Variants in DPF2 observed in about 807,000 individuals in gnomAD.
The protein encoded by DPF2 is double PHD fingers 2.
DPF2 carries 10 observed loss-of-function variants against 59.6 expected under a neutral mutation model. That is an observed-to-expected ratio of 0.17 (90% CI 0.10 to 0.28). The LOEUF (loss-of-function observed/expected upper bound fraction) is 0.28. Ranked by LOEUF, DPF2 falls within the 10% of genes least tolerant of loss-of-function variation. The pLI, the probability that DPF2 is intolerant of heterozygous loss-of-function variation, is 1.00. For missense variants in DPF2, 315 were observed against 509.4 expected, an observed-to-expected ratio of 0.62 and a Z score of 3.67; for synonymous variants, 189 against 190.6, an observed-to-expected ratio of 0.99 and a Z score of 0.07.
chr11:65,343,671 C>T (rs2137698690), intron 4 of DPF2, 74 bp from the exon 5 acceptor site: 1 of 1,476,340 alleles, frequency 6.8e-7, no homozygotes, highest in East Asian at 2.5e-5. Flanking sequence ...TCTGGGTGGC[C>T]TTGGCCAGTC....
intron 1 of DPF2, among the ~76,000 whole-genome samples, chr11:65,335,987 T>C (rs970693666): frequency 2.0e-5 from 3 of 151,790 alleles, no homozygotes; most frequent in African/African-American, 7.3e-5. Context: ...CTAATTTTTG[T>C]GTTTTTAGTA....
chr11:65,346,383 A>G, intron 9 of DPF2, 24 bp downstream of exon 9: 2 of 1,597,762 alleles, frequency 1.3e-6, no homozygotes, highest in East Asian at 2.2e-5. Context: ...CCCCCTCCTC[A>G]GCATGGCTCC....
intron 1 of DPF2, among the ~76,000 whole-genome samples, chr11:65,339,525 A>G (rs1245493572): frequency 1.3e-5 from 2 of 152,190 alleles, no homozygotes; most frequent in African/African-American, 4.8e-5. Context: ...CCTTAGAGCA[A>G]ACAAGTTTCT....
rs4647588 is a variant in DPF2 at position 65,346,126 on chromosome 11, G to A, written c.904+68G>A. The A allele has an allele frequency of 1.1e-3, 1,788 of 1,606,106 alleles. 2 individuals carry two copies. The highest frequency in any genetic ancestry group is 1.4e-3 in the Non-Finnish European group (1,671 of 1,175,166). On this transcript the variant is annotated intron_variant, in intron 8 of 10. Transcript: ENST00000528416. The stretch of plus-strand genomic sequence containing the variant: ...GGGGCTCTTGGCTTGCTGGCCTCTA[G>A]GGCTGTCATAACCAGCCCACCTCGC...
At chr11:65,336,456 C>T (rs1215761239) in intron 1 of DPF2, among the ~76,000 whole-genome samples, 2 of 151,958 alleles carry the variant, frequency 1.3e-5, no homozygotes, top group Admixed American at 6.6e-5. Flanking sequence ...CACACCACTG[C>T]CCTCCAGCCT....
Position 65,337,724 on chromosome 11 carries a change from C to T in DPF2, c.33-2661C>T, listed in dbSNP as rs190623710. On this transcript the variant is annotated intron_variant, in intron 1 of 10. Coordinates refer to ENST00000528416, the MANE Select transcript of DPF2 (RefSeq NM_006268.5). ...GCTCAAATGATTCCCCTACCTCATC[C>T]GCCCCAGGGGCTACGTGGAACCACA... Among the ~76,000 whole-genome samples the T allele has an allele frequency of 2.2e-4, 34 of 151,828 alleles. No homozygotes were observed. In the East Asian group the frequency reaches 6.2e-3, roughly 28 times the overall value.
At chr11:65,343,870 A>G (rs1203183007) in intron 5 of DPF2, 33 bp downstream of exon 5, 2 of 1,583,188 alleles carry the variant, frequency 1.3e-6, no homozygotes, top group Admixed American at 3.6e-5. Context: ...GCATCTTGGG[A>G]CAGGGTGGCC....
At chr11:65,345,537 C>G (rs1450911943) in intron 6 of DPF2, 129 bp from the exon 7 acceptor site, 12 of 1,360,674 alleles carry the variant, frequency 8.8e-6, no homozygotes, top group Admixed American at 1.9e-5. Flanking sequence ...AAGGCCTGTC[C>G]CAGAGTGGAG....
At chr11:65,337,504 TAGAGAGAG>T (rs1188984367) in intron 1 of DPF2, among the ~76,000 whole-genome samples, 475 of 21,348 alleles carry the variant, frequency 0.022, 8 homozygotes, top group Non-Finnish European at 0.026. Flanking sequence ...TATATATATA[TAGAGAGAG>T]AGAGAGAGAG....
intron 4 of DPF2, among the ~76,000 whole-genome samples, chr11:65,343,299 CAAA>C (rs529933254): frequency 5.2e-5 from 3 of 58,016 alleles, no homozygotes; most frequent in African/African-American, 8.1e-5. Context: ...AACTCTGTCT[CAAA>C]AAAAAAAAAA....
intron 3 of DPF2, 36 bp downstream of exon 3, chr11:65,341,109 G>A (rs1410967969): frequency 6.2e-7 from 1 of 1,602,192 alleles, no homozygotes; most frequent in Admixed American, 1.7e-5. Context: ...GGCGTGGCCT[G>A]CTGCATGGTG....
rs1590941313 is a variant in DPF2 at position 65,352,203 on chromosome 11, C to T, written c.*444C>T. On this transcript the variant is annotated 3_prime_UTR_variant, in exon 11 of 11. Transcript: ENST00000528416. ...GCTGGGAGCGAGCAAGCTGAGGCCA[C>T]GTCCACAAGGAGCTTTTCATGCCCC... The T allele has an allele frequency of 5.2e-6, 1 of 191,948 alleles. No individual in the cohort carries two copies. The highest frequency in any genetic ancestry group is 1.4e-4 in the East Asian group (1 of 7,326). 11.9% of individuals were successfully genotyped at this position (191,948 alleles called of 1,614,324 possible). A position where few individuals can be genotyped will look rare whatever the true frequency, so the allele number is the denominator to read the frequency against.
intron 8 of DPF2, 83 bp from the exon 9 acceptor site, chr11:65,346,164 A>G: frequency 6.3e-7 from 1 of 1,597,300 alleles, no homozygotes; most frequent in Non-Finnish European, 8.5e-7. Context: ...TTCCTAACCA[A>G]GAGAAGATGT....
chr11:65,344,646 T>C, intron 6 of DPF2: 3 of 1,535,332 alleles, frequency 2.0e-6, no homozygotes, highest in Non-Finnish European at 2.6e-6. Context: ...TTTTCAGACT[T>C]GTGGTTTTCC....
Position 65,352,009 on chromosome 11 carries a change from C to G in DPF2, c.*250C>G. 3 of 547,008 alleles carry G rather than the reference C, an allele frequency of 5.5e-6. No homozygotes were observed. The South Asian group carries it at 6.3e-5, about 11-fold the overall frequency. The allele number at this position is 547,008 out of a possible 1,614,324, so 33.9% of individuals were successfully genotyped here. ...GCGTGTGGCCCAGTTTCTCTCTGCT[C>G]TCCATTAAGTGCATTCACTCTGCTT... On this transcript the variant is annotated 3_prime_UTR_variant, in exon 11 of 11. Transcript: ENST00000528416.
At chr11:65,340,347 G>A (rs544727546) in intron 1 of DPF2, 38 bp from the exon 2 acceptor site, 20 of 1,606,050 alleles carry the variant, frequency 1.2e-5, no homozygotes, top group Admixed American at 3.3e-5. Context: ...TATGCCCCCC[G>A]CTCCAACATA....
intron 1 of DPF2, among the ~76,000 whole-genome samples, chr11:65,337,488 TATATATATATATATATAGAGAGAGAGAG>T (rs1280804394): frequency 1.6e-5 from 1 of 62,032 alleles, no homozygotes; most frequent in African/African-American, 6.6e-5. Context: ...TATATATATA[TATATATATATATATATAGAGAGAGAGAG>T]AGAGAGAGAG....
At chr11:65,337,865 C>G (rs1854250052) in intron 1 of DPF2, among the ~76,000 whole-genome samples, 1 of 151,936 alleles carries the variant, frequency 6.6e-6, no homozygotes, top group Non-Finnish European at 1.5e-5. Context: ...AGTGCAATGG[C>G]GCAATCTCGG....
At position 65,351,646 on chromosome 11, in the gene DPF2, G is replaced by A. The variant is rs1207879739; in HGVS notation, c.1100-37G>A. On this transcript the variant is annotated intron_variant, in intron 10 of 10. Transcript: ENST00000528416. ...GGAATTGCAAGCAGGTGGGGATTGTGTGGGACCCATCCTGACCCCATTTTG... is the reference window on the plus strand; with the variant it reads ...GGAATTGCAAGCAGGTGGGGATTGTATGGGACCCATCCTGACCCCATTTTG... 3.1e-6 allele frequency: 5 copies of A among 1,589,910 alleles called. No homozygotes were observed. In the African/African-American group the frequency reaches 4.0e-5, roughly 13 times the overall value.
Sources: gnomAD v4.1 joint callset for allele counts (sites outside exome capture counted in the v4.1 genomes callset) on GRCh38, gnomAD v4.1.1 for gene constraint, MANE v1.5 for transcripts, NCBI Gene and HGNC (gene_info 2026-07-23, HGNC 2026-07-21) for gene names.